Variants in CRYBA4 observed in about 807,000 individuals in gnomAD.
CRYBA4 encodes crystallin beta A4, also known as beta-crystallin A4.
A neutral mutation model predicts 31.7 loss-of-function variants in CRYBA4; 30 were observed. That is an observed-to-expected ratio of 0.95 (90% CI 0.71 to 1.28). CRYBA4 has a LOEUF of 1.28. Ranked by LOEUF, CRYBA4 falls within the 50% of genes most tolerant of loss-of-function variation. The pLI, the probability that CRYBA4 is intolerant of heterozygous loss-of-function variation, is 0.00. For synonymous variants in CRYBA4, 102 were observed against 102.3 expected (o/e 1.00, Z 0.02); for missense variants, 225 against 260.7 (o/e 0.86, Z 0.94).
the CRYBA4 span, among the ~76,000 whole-genome samples, chr22:26,607,176 C>T: frequency 1.2e-3 from 179 of 152,082 alleles, 3 homozygotes; most frequent in East Asian, 0.031. Flanking sequence ...GCATGCGCCA[C>T]CACGCCCGGC....
At chr22:26,620,691 G>C (rs1026305663), upstream of CRYBA4, among the ~76,000 whole-genome samples, 4 of 130,920 alleles carry the variant, frequency 3.1e-5, no homozygotes, top group African/African-American at 8.9e-5. Flanking sequence ...AGCCTCCCTA[G>C]TAGCTGGGAT....
the CRYBA4 span, among the ~76,000 whole-genome samples, chr22:26,597,227 T>G: frequency 6.6e-6 from 1 of 152,156 alleles, no homozygotes; most frequent in East Asian, 1.9e-4. Context: ...CACCCTGTGC[T>G]TCTGCCCACA....
At chr22:26,606,042 G>A in the CRYBA4 span, among the ~76,000 whole-genome samples, 1 of 152,174 alleles carries the variant, frequency 6.6e-6, no homozygotes, top group Non-Finnish European at 1.5e-5. Flanking sequence ...AAGCTCATCC[G>A]CTATCGTTAG....
rs749342638 is a variant in CRYBA4, at chr22:26,622,595, C to T, written c.-2C>T. On this transcript the variant is annotated 5_prime_UTR_variant, in exon 2 of 6. Transcript: ENST00000354760. ...TCTTCTCTTCTGCAGGAAGGGGCCA[C>T]AATGACCCTGCAATGCACAAAGTCA... is the stretch of plus-strand genomic sequence containing the variant. The T allele has an allele frequency of 1.2e-6, 2 of 1,603,446 alleles. No homozygotes were observed. The highest frequency in any genetic ancestry group is 1.7e-6 in the Non-Finnish European group (2 of 1,174,260).
chr22:26,622,054 C>A, intron 1 of CRYBA4, 68 bp downstream of exon 1: 1 of 832,258 alleles, frequency 1.2e-6, no homozygotes, highest in Non-Finnish European at 1.5e-6. Context: ...GGCGAGGAAC[C>A]CAGGTCCCCA....
chr22:26,599,769 G>T, the CRYBA4 span: 1 of 919,442 alleles, frequency 1.1e-6, no homozygotes. Context: ...ATTGATCCCT[G>T]CAGTCGGCTG....
chr22:26,604,025 G>C, the CRYBA4 span, among the ~76,000 whole-genome samples: 1 of 152,206 alleles, frequency 6.6e-6, no homozygotes, highest in South Asian at 2.1e-4. Flanking sequence ...CCTGTATCTT[G>C]TTTTTAAAGT....
Position 26,630,460 on chromosome 22 carries a change from G to T in CRYBA4, c.564G>T (p.Val188=). ...GCTCTCATGCCCCGACCTTCCAGGTGCAGAGCATCCGCAGGATCCAGCAGT... is the reference window on the plus strand; with the variant it reads ...GCTCTCATGCCCCGACCTTCCAGGTTCAGAGCATCCGCAGGATCCAGCAGT... ...EWGSHAPTFQ[V]QSIRRIQQ The change falls in exon 6 of 6, where the codon GTG becomes GTT. Residue 188 remains valine (V), a synonymous_variant. Transcript: ENST00000354760. 2 of 1,613,962 alleles carry T rather than the reference G, an allele frequency of 1.2e-6. No homozygotes were observed. The highest frequency in any genetic ancestry group is 1.7e-6 in the Non-Finnish European group (2 of 1,179,984).
Position 26,630,409 on chromosome 22 carries a change from T to C in CRYBA4, c.513T>C (p.Gly171=). ...QYVLECDHHS[G]DYKHFREWGS... is the part of the protein sequence containing the mutation. ...TGCTGGAATGCGATCACCATTCCGG[T>C]GACTACAAACATTTCCGGGAGTGGG... is the stretch of plus-strand genomic sequence containing the variant. Residue 171 remains glycine (G), a synonymous_variant, in exon 6 of 6, where the codon GGT becomes GGC. Transcript: ENST00000354760. 6.2e-7 allele frequency: 1 copy of C among 1,614,200 alleles called. No individual in the cohort carries two copies. The highest frequency in any genetic ancestry group is 8.5e-7 in the Non-Finnish European group (1 of 1,180,026).
chr22:26,622,528 A>C, intron 1 of CRYBA4, 57 bp from the exon 2 acceptor site: 2 of 1,475,282 alleles, frequency 1.4e-6, no homozygotes, highest in South Asian at 2.3e-5. Context: ...AGCCATCTGC[A>C]TAAAGAGGAG....
At chr22:26,617,820 C>T (rs77926469), upstream of CRYBA4, among the ~76,000 whole-genome samples, 5,208 of 152,108 alleles carry the variant, frequency 0.034, 151 homozygotes, top group East Asian at 0.094. Flanking sequence ...TCCCCTCTCC[C>T]TCTCCCTCCC....
the CRYBA4 span, among the ~76,000 whole-genome samples, chr22:26,601,616 T>G: frequency 2.0e-5 from 3 of 151,626 alleles, no homozygotes; most frequent in African/African-American, 4.9e-5. Flanking sequence ...CAACCCCAAC[T>G]AGGCTTAGCA....
At chr22:26,627,375 T>TCTTTC (rs1491188823) in intron 4 of CRYBA4, among the ~76,000 whole-genome samples, 1 of 43,472 alleles carries the variant, frequency 2.3e-5, no homozygotes, top group African/African-American at 1.5e-4. Context: ...TTTCTTTCTT[T>TCTTTC]CTTTCTTTCT....
the CRYBA4 span, chr22:26,599,799 G>A: frequency 1.3e-6 from 1 of 774,698 alleles, no homozygotes; most frequent in Non-Finnish European, 2.3e-6. Context: ...TTCTGTCCTG[G>A]CTATATCCCT....
At chr22:26,612,735 C>T in the CRYBA4 span, among the ~76,000 whole-genome samples, 2 of 152,182 alleles carry the variant, frequency 1.3e-5, no homozygotes, top group Non-Finnish European at 2.9e-5. Flanking sequence ...TTGTGCTATT[C>T]CTCCTGCCTG....
At chr22:26,629,210 C>T (rs1189436340) in intron 5 of CRYBA4, among the ~76,000 whole-genome samples, 1 of 152,036 alleles carries the variant, frequency 6.6e-6, no homozygotes, top group Non-Finnish European at 1.5e-5. Context: ...ACATCAGAAC[C>T]ACTTTCTGAG....
chr22:26,603,880 T>C, the CRYBA4 span, among the ~76,000 whole-genome samples: 1 of 151,014 alleles, frequency 6.6e-6, no homozygotes, highest in Non-Finnish European at 1.5e-5. Context: ...GCCAAGATTG[T>C]GTCACTGCAC....
At chr22:26,614,604 G>A in the CRYBA4 span, among the ~76,000 whole-genome samples, 1 of 152,142 alleles carries the variant, frequency 6.6e-6, no homozygotes, top group Non-Finnish European at 1.5e-5. Flanking sequence ...GCAGTCATGC[G>A]CAACAATATG....
chr22:26,626,772 G>A (rs375502986), intron 4 of CRYBA4, among the ~76,000 whole-genome samples: 2 of 152,126 alleles, frequency 1.3e-5, no homozygotes, highest in East Asian at 3.9e-4. Context: ...TTAGGTTAGG[G>A]ATGTTCAACC....
Sources: allele counts gnomAD v4.1 joint callset (sites outside exome capture counted in the v4.1 genomes callset), GRCh38; gene constraint gnomAD v4.1.1; transcripts MANE v1.5; gene names NCBI Gene and HGNC (gene_info 2026-07-23, HGNC 2026-07-21).